FUT8: variants seen among roughly 807,000 people sequenced by gnomAD.
FUT8 encodes fucosyltransferase 8.
In FUT8, 29 loss-of-function variants were observed where a neutral mutation model predicts 71.3. That is an observed-to-expected ratio of 0.41 (90% CI 0.30 to 0.55). FUT8 has a LOEUF of 0.55. FUT8 is among the 20% of genes least tolerant of loss of function. The probability of loss-of-function intolerance (pLI) is 0.34; values close to 1 mark genes in which losing one functional copy is unlikely to be tolerated. For missense variants in FUT8, 544 were observed against 702.1 expected, an observed-to-expected ratio of 0.77 and a Z score of 2.55; for synonymous variants, 254 against 239.3, an observed-to-expected ratio of 1.06 and a Z score of -0.57.
At chr14:65,454,457 T>A (rs149273924) in intron 1 of FUT8, among the ~76,000 whole-genome samples, 45 of 152,178 alleles carry the variant, frequency 3.0e-4, no homozygotes, top group Non-Finnish European at 6.0e-4. Flanking sequence ...CGAGACCCAG[T>A]CTCTACAATA....
intron 1 of FUT8, among the ~76,000 whole-genome samples, chr14:65,442,178 AC>A (rs1227465522): frequency 6.7e-6 from 1 of 149,154 alleles, no homozygotes; most frequent in Non-Finnish European, 1.5e-5. Flanking sequence ...CTAAGGGTGG[AC>A]TTTTTTTTTT....
At chr14:65,685,533 T>G (rs1472404017) in intron 7 of FUT8, among the ~76,000 whole-genome samples, 6 of 152,120 alleles carry the variant, frequency 3.9e-5, no homozygotes, top group African/African-American at 1.4e-4. Flanking sequence ...TTGGGGCAAG[T>G]CCATAGAGTA....
rs747258947 is a variant in FUT8 at position 65,733,309 on chromosome 14, A to G, written c.1338A>G (p.Ser446=). Residue 446 remains serine (S), a synonymous_variant, in exon 10 of 11, where the codon TCA becomes TCG. Transcript: ENST00000673929. ...AGLHNRYTEN[S]LRGVILDIHF... ...TGCACAATCGATACACAGAAAATTC[A>G]CTTCGTGGAGTGATCCTGGATATAC... 5.6e-6 allele frequency: 9 copies of G among 1,610,266 alleles called. No individual in the cohort carries two copies. Among genetic ancestry groups the G allele is most frequent in the Non-Finnish European group, 7.6e-6 (9 of 1,177,486 alleles).
intron 1 of FUT8, among the ~76,000 whole-genome samples, chr14:65,441,488 C>T (rs1448799207): frequency 1.3e-5 from 2 of 151,986 alleles, no homozygotes; most frequent in Non-Finnish European, 2.9e-5. Context: ...CACCTTTAAT[C>T]CCAGCACTTT....
At chr14:65,576,041 A>C (rs1345491529) in intron 3 of FUT8, among the ~76,000 whole-genome samples, 1 of 152,194 alleles carries the variant, frequency 6.6e-6, no homozygotes. Context: ...TTCAAATGTA[A>C]ATTAAATTTG....
At chr14:65,527,692 G>A (rs895201011) in intron 2 of FUT8, among the ~76,000 whole-genome samples, 3 of 151,820 alleles carry the variant, frequency 2.0e-5, no homozygotes, top group Non-Finnish European at 4.4e-5. Flanking sequence ...ATCTACCTTT[G>A]GTCTTTGATG....
At chr14:65,596,134 G>C (rs1187947842) in intron 3 of FUT8, among the ~76,000 whole-genome samples, 1 of 152,154 alleles carries the variant, frequency 6.6e-6, no homozygotes, top group Non-Finnish European at 1.5e-5. Context: ...ATTAATTTTT[G>C]TCCTCTTCAG....
At chr14:65,662,266 A>T (rs1352563493) in intron 6 of FUT8, among the ~76,000 whole-genome samples, 1 of 152,170 alleles carries the variant, frequency 6.6e-6, no homozygotes, top group African/African-American at 2.4e-5. Context: ...TAAAAAAGTT[A>T]GCTGGGCTAC....
At chr14:65,495,867 G>C (rs906821576) in intron 2 of FUT8, among the ~76,000 whole-genome samples, 1 of 152,034 alleles carries the variant, frequency 6.6e-6, no homozygotes, top group Non-Finnish European at 1.5e-5. Context: ...GATAGGTGGT[G>C]GGAATAGACA....
chr14:65,358,241 T>TA, the FUT8 span, among the ~76,000 whole-genome samples: 35 of 152,300 alleles, frequency 2.3e-4, no homozygotes, highest in African/African-American at 7.9e-4. Context: ...GTATAGTAAT[T>TA]ACCTTGAGTT....
intron 2 of FUT8, among the ~76,000 whole-genome samples, chr14:65,506,400 G>A (rs917490373): frequency 6.6e-6 from 1 of 152,180 alleles, no homozygotes; most frequent in Non-Finnish European, 1.5e-5. Context: ...AACTAATTTT[G>A]ATAAAGGTTA....
At chr14:65,730,287 G>T (rs117171604) in intron 9 of FUT8, among the ~76,000 whole-genome samples, 117 of 152,224 alleles carry the variant, frequency 7.7e-4, no homozygotes, top group Middle Eastern at 3.4e-3. Context: ...CTTTGAAAAG[G>T]GGTTAAAATT....
intron 7 of FUT8, among the ~76,000 whole-genome samples, chr14:65,712,365 A>G (rs1372498744): frequency 6.6e-6 from 1 of 152,238 alleles, no homozygotes; most frequent in Non-Finnish European, 1.5e-5. Context: ...TAGTCTCTGA[A>G]CTTTAGAGTT....
chr14:65,693,508 A>G (rs926763143), intron 7 of FUT8, among the ~76,000 whole-genome samples: 31 of 152,180 alleles, frequency 2.0e-4, no homozygotes, highest in Non-Finnish European at 4.4e-5. Flanking sequence ...GACCGTGGAA[A>G]GAGAGGGAGA....
At chr14:65,531,480 A>C (rs977847064) in intron 2 of FUT8, among the ~76,000 whole-genome samples, 1 of 152,210 alleles carries the variant, frequency 6.6e-6, no homozygotes, top group Admixed American at 6.5e-5. Flanking sequence ...GTCTTAAAAA[A>C]AAATGAGGAA....
chr14:65,471,348 A>T (rs2066143755), intron 2 of FUT8, among the ~76,000 whole-genome samples: 1 of 151,922 alleles, frequency 6.6e-6, no homozygotes, highest in Non-Finnish European at 1.5e-5. Flanking sequence ...CTGGTAAAAT[A>T]GTTTCCTTTT....
chr14:65,468,367 G>T, intron 2 of FUT8: 3 of 527,744 alleles, frequency 5.7e-6, no homozygotes, highest in South Asian at 1.7e-5. Flanking sequence ...CTGGAAGATG[G>T]TGGTTCCGGC....
intron 7 of FUT8, among the ~76,000 whole-genome samples, chr14:65,692,605 G>T (rs1186093980): frequency 6.6e-6 from 1 of 150,572 alleles, no homozygotes; most frequent in East Asian, 2.0e-4. Context: ...CTGGGCGGGG[G>T]GCTGACCCCC....
rs141260725 is a variant in FUT8, at chr14:65,669,525, C to T, written c.835+45C>T. 10 of 1,316,854 alleles carry T rather than the reference C, an allele frequency of 7.6e-6. No individual in the cohort carries two copies. In the East Asian group the frequency reaches 1.4e-4, roughly 18 times the overall value. The allele number at this position is 1,316,854 out of a possible 1,614,324, so 81.6% of individuals were successfully genotyped here. ...TATGAGATCTCTGGGCTGTTTCACT[C>T]AATTACCAGATTATTAGATTTCTAG... On this transcript the variant is annotated intron_variant, in intron 7 of 10. Transcript: ENST00000673929. This position sits in a 1 kb window ranked among gnomAD's most constrained non-coding sequence, Gnocchi z 4.5.
Sources: gnomAD v4.1 joint callset for allele counts (sites outside exome capture counted in the v4.1 genomes callset) on GRCh38, gnomAD v4.1.1 for gene constraint, Gnocchi (gnomAD v3.1) non-coding constraint, MANE v1.5 for transcripts, NCBI Gene and HGNC (gene_info 2026-07-23, HGNC 2026-07-21) for gene names.